Variants in DISC1 observed in about 807,000 individuals in gnomAD.
The protein encoded by DISC1 is DISC1 scaffold protein, also known as disrupted in schizophrenia 1 protein.
A neutral mutation model predicts 84.5 loss-of-function variants in DISC1; 57 were observed. The observed-to-expected ratio is 0.67, with a 90% CI of 0.55 to 0.84. DISC1 has a LOEUF of 0.84. DISC1 is among the 40% of genes least tolerant of loss of function. The pLI, the probability that DISC1 is intolerant of heterozygous loss-of-function variation, is 0.00. For synonymous variants in DISC1, 411 were observed against 415.2 expected (o/e 0.99, Z 0.12); for missense variants, 1,000 against 1,057.8 (o/e 0.95, Z 0.76).
At chr1:231,789,273 C>T (rs2078131626) in intron 6 of DISC1, among the ~76,000 whole-genome samples, 1 of 152,070 alleles carries the variant, frequency 6.6e-6, no homozygotes, top group Non-Finnish European at 1.5e-5. Flanking sequence ...GGACCCTGCA[C>T]CAGCCACAGC....
intron 8 of DISC1, among the ~76,000 whole-genome samples, chr1:231,810,498 T>C (rs1400773040): frequency 2.0e-5 from 3 of 152,094 alleles, no homozygotes; most frequent in Non-Finnish European, 2.9e-5. Flanking sequence ...TGAAAAGAAA[T>C]GAAGACCTAC....
At chr1:231,639,823 T>C (rs1357315459) in intron 1 of DISC1, among the ~76,000 whole-genome samples, 1 of 152,248 alleles carries the variant, frequency 6.6e-6, no homozygotes, top group East Asian at 1.9e-4. Flanking sequence ...CAGCCAGTCC[T>C]GCCTATAATC....
At chr1:231,997,544 A>G (rs1332450375) in intron 10 of DISC1, among the ~76,000 whole-genome samples, 2 of 152,036 alleles carry the variant, frequency 1.3e-5, no homozygotes, top group Non-Finnish European at 2.9e-5. Context: ...GGCCAATCCT[A>G]CCTAGGTGCT....
At chr1:231,844,623 A>G (rs1376417269) in intron 9 of DISC1, among the ~76,000 whole-genome samples, 3 of 152,150 alleles carry the variant, frequency 2.0e-5, no homozygotes, top group African/African-American at 7.2e-5. Flanking sequence ...GGTTATAGGA[A>G]GGTTTAAAAA....
intron 10 of DISC1, among the ~76,000 whole-genome samples, chr1:231,962,735 A>G (rs937701991): frequency 8.5e-4 from 130 of 152,140 alleles, no homozygotes; most frequent in African/African-American, 2.9e-3. Context: ...ATGAAAACCT[A>G]TATACATAAT....
chr1:231,812,023 T>A (rs988661383), intron 8 of DISC1, among the ~76,000 whole-genome samples: 2 of 152,128 alleles, frequency 1.3e-5, no homozygotes, highest in African/African-American at 4.8e-5. Context: ...GGAAGAACTG[T>A]TCAAAATGCC....
At chr1:232,026,943 G>A (rs1669535931) in intron 12 of DISC1, among the ~76,000 whole-genome samples, 1 of 151,776 alleles carries the variant, frequency 6.6e-6, no homozygotes, top group Admixed American at 6.6e-5. Context: ...TAGAGAGAGG[G>A]TTTTGCCATG....
chr1:231,891,090 C>T (rs1341918844), intron 9 of DISC1, among the ~76,000 whole-genome samples: 1 of 152,164 alleles, frequency 6.6e-6, no homozygotes, highest in Non-Finnish European at 1.5e-5. Flanking sequence ...AGGCTAAACC[C>T]TGCCTTCTAC....
intron 9 of DISC1, among the ~76,000 whole-genome samples, chr1:231,915,329 G>C (rs2089538519): frequency 6.6e-6 from 1 of 152,148 alleles, no homozygotes; most frequent in Non-Finnish European, 1.5e-5. Context: ...TAGGTGGCAG[G>C]ATGAAAGCAG....
At chr1:231,697,507 A>G (rs1221905206) in intron 2 of DISC1, among the ~76,000 whole-genome samples, 1 of 151,900 alleles carries the variant, frequency 6.6e-6, no homozygotes, top group African/African-American at 2.4e-5. Context: ...TGGTGTGATC[A>G]TAACTCACTG....
intron 1 of DISC1, among the ~76,000 whole-genome samples, chr1:231,641,262 C>T (rs990184671): frequency 4.6e-5 from 7 of 152,112 alleles, no homozygotes; most frequent in African/African-American, 1.4e-4. Context: ...TTCTTAAAGG[C>T]GGCGTGTCTG....
At chr1:231,633,444 A>G (rs893262111) in intron 1 of DISC1, among the ~76,000 whole-genome samples, 1 of 152,154 alleles carries the variant, frequency 6.6e-6, no homozygotes, top group South Asian at 2.1e-4. Context: ...TTCCAGTGCT[A>G]AGATGCTGTG....
intron 3 of DISC1, among the ~76,000 whole-genome samples, chr1:231,727,811 G>A (rs2070941605): frequency 6.6e-6 from 1 of 151,926 alleles, no homozygotes; most frequent in East Asian, 1.9e-4. Context: ...GGCCTGGTGT[G>A]GTGGTGGGTC....
chr1:231,800,556 T>C (rs2079150944), intron 8 of DISC1, among the ~76,000 whole-genome samples: 1 of 152,118 alleles, frequency 6.6e-6, no homozygotes, highest in South Asian at 2.1e-4. Flanking sequence ...GGAAGGATGG[T>C]AACATGAGAC....
chr1:231,800,231 C>T (rs373959037), intron 8 of DISC1, 21 bp downstream of exon 8: 41 of 1,573,852 alleles, frequency 2.6e-5, no homozygotes, highest in African/African-American at 1.9e-4. Context: ...GTGTAGGAGA[C>T]GTTGAAGCTA....
intron 2 of DISC1, among the ~76,000 whole-genome samples, chr1:231,695,815 C>T (rs2065616842): frequency 6.6e-6 from 1 of 152,074 alleles, no homozygotes. Context: ...ATGCTCATTC[C>T]CCGAAAGAGC....
At chr1:231,770,348 C>T (rs1445906459) in intron 5 of DISC1, among the ~76,000 whole-genome samples, 1 of 152,158 alleles carries the variant, frequency 6.6e-6, no homozygotes, top group Non-Finnish European at 1.5e-5. Context: ...GCATCTCATT[C>T]TTCTCTCAGT....
chr1:231,732,130 CCAAGGTTGTATTGACTTGAA>C (rs1558442172), intron 3 of DISC1, among the ~76,000 whole-genome samples: 1 of 152,210 alleles, frequency 6.6e-6, no homozygotes, highest in Non-Finnish European at 1.5e-5. Context: ...TGAGGACTCT[CCAAGGTTGTATTGACTTGAA>C]GGCTACATGA....
chr1:231,866,758 T>C (rs2085091420), intron 9 of DISC1: 9 of 1,296,534 alleles, frequency 6.9e-6, no homozygotes. Context: ...TGGATTCTTC[T>C]TTCAACCTTG....
Sources: allele counts gnomAD v4.1 joint callset (sites outside exome capture counted in the v4.1 genomes callset), GRCh38; gene constraint gnomAD v4.1.1; transcripts MANE v1.5; gene names NCBI Gene and HGNC (gene_info 2026-07-23, HGNC 2026-07-21).